LLPH: variants seen among roughly 807,000 people sequenced by gnomAD.
The protein encoded by LLPH is protein LLP homolog.
In LLPH, 5 loss-of-function variants were observed where a neutral mutation model predicts 13.3. The ratio of observed to expected loss-of-function variants is 0.38; its 90% CI spans 0.20 to 0.79. The LOEUF (loss-of-function observed/expected upper bound fraction) is 0.79. Among genes scored for constraint, LLPH ranks in the 30% least tolerant of loss-of-function variants. LLPH has a pLI of 0.45. For synonymous variants in LLPH, 32 were observed against 44.2 expected (o/e 0.72, Z 1.09); for missense variants, 129 against 152.1 (o/e 0.85, Z 0.80).
rs2051469284 is a variant in LLPH, at chr12:66,122,482, G to C, written c.*1358C>G. ...GGAAAGTCCCTGGCCCACATACTAGGCACTCAGTAAGTATTTGGTTGTTCC... is the reference window on the plus strand; with the variant it reads ...GGAAAGTCCCTGGCCCACATACTAGCCACTCAGTAAGTATTTGGTTGTTCC... On this transcript the variant is annotated 3_prime_UTR_variant, in exon 3 of 3. Transcript: ENST00000266604. The C allele has an allele frequency of 6.6e-6, 1 of 152,110 alleles. No homozygotes were observed. Among genetic ancestry groups the C allele is most frequent in the Non-Finnish European group, 1.5e-5 (1 of 68,028 alleles). The allele number at this position is 152,110 out of a possible 1,614,324, so 9.4% of individuals were successfully genotyped here.
rs2051448359 is a variant in LLPH at position 66,119,293 on chromosome 12, C to T, written c.*4547G>A. On this transcript the variant is annotated 3_prime_UTR_variant, in exon 3 of 3. Transcript: ENST00000266604. ...CTGTTGGGTTATTTTTACTGCTTGCCTACCAAATTAAGCTTATTTGGCAAC... is the reference window on the plus strand; with the variant it reads ...CTGTTGGGTTATTTTTACTGCTTGCTTACCAAATTAAGCTTATTTGGCAAC... 1 of 152,200 alleles carries T rather than the reference C, an allele frequency of 6.6e-6. No individual in the cohort carries two copies. Among genetic ancestry groups the T allele is most frequent in the South Asian group, 2.1e-4 (1 of 4,836 alleles). 9.4% of individuals were successfully genotyped at this position (152,200 alleles called of 1,614,324 possible). A position where few individuals can be genotyped will look rare whatever the true frequency, so the allele number is the denominator to read the frequency against.
rs2051444689 is a variant in LLPH at position 66,118,687 on chromosome 12, T to C, written c.*5153A>G. On this transcript the variant is annotated 3_prime_UTR_variant, in exon 3 of 3. Coordinates refer to ENST00000266604, the MANE Select transcript of LLPH (RefSeq NM_032338.4). ...ACGATACCCTCTAGATTTGTGTAAG[T>C]ACAGTCTATGATATTCACACAATGA... 1 of 152,216 alleles carries C rather than the reference T, an allele frequency of 6.6e-6. No homozygotes were observed. Among genetic ancestry groups the C allele is most frequent in the Admixed American group, 6.5e-5 (1 of 15,284 alleles). The allele number at this position is 152,216 out of a possible 1,614,324, so 9.4% of individuals were successfully genotyped here.
chr12:66,127,504 TG>T (rs1270181492), intron 2 of LLPH, among the ~76,000 whole-genome samples: 2 of 149,994 alleles, frequency 1.3e-5, no homozygotes, highest in African/African-American at 2.4e-5. Context: ...TGCCAGAGGC[TG>T]GGGGTAGGAG....
At chr12:66,126,062 C>G (rs966814426) in intron 2 of LLPH, among the ~76,000 whole-genome samples, 2 of 152,150 alleles carry the variant, frequency 1.3e-5, no homozygotes, top group African/African-American at 4.8e-5. Context: ...CAGTGGCTCA[C>G]GCCTGTAATC....
At position 66,118,473 on chromosome 12, in the gene LLPH, T is replaced by C. The variant is rs1398989320; in HGVS notation, c.*5367A>G. The C allele has an allele frequency of 6.6e-6, 1 of 152,144 alleles. No homozygotes were observed. The highest frequency in any genetic ancestry group is 2.1e-4 in the South Asian group (1 of 4,832). 9.4% of individuals were successfully genotyped at this position (152,144 alleles called of 1,614,324 possible). A position where few individuals can be genotyped will look rare whatever the true frequency, so the allele number is the denominator to read the frequency against. ...CCAAGCACGAGTCCTCCAAGCACTATTCATAAGTGGTACAGGTGTACCATT... is the reference window on the plus strand; with the variant it reads ...CCAAGCACGAGTCCTCCAAGCACTACTCATAAGTGGTACAGGTGTACCATT... On this transcript the variant is annotated 3_prime_UTR_variant, in exon 3 of 3. Transcript: ENST00000266604.
At chr12:66,124,264 G>A (rs1442191154) in intron 2 of LLPH, among the ~76,000 whole-genome samples, 1 of 152,238 alleles carries the variant, frequency 6.6e-6, no homozygotes, top group African/African-American at 2.4e-5. Context: ...CTGAGCACAT[G>A]TGAGTTACAA....
chr12:66,124,542 A>G (rs760007223), intron 2 of LLPH, among the ~76,000 whole-genome samples: 22 of 152,308 alleles, frequency 1.4e-4, no homozygotes, highest in Non-Finnish European at 2.2e-4. Flanking sequence ...TAACACCCAG[A>G]GATCCAGCTC....
chr12:66,128,061 T>A (rs1434534250), intron 2 of LLPH, among the ~76,000 whole-genome samples: 1 of 152,224 alleles, frequency 6.6e-6, no homozygotes, highest in Non-Finnish European at 1.5e-5. Context: ...AGGATATTTC[T>A]TGGTTGGCCC....
At chr12:66,124,345 G>A (rs774762323) in intron 2 of LLPH, among the ~76,000 whole-genome samples, 49 of 152,176 alleles carry the variant, frequency 3.2e-4, no homozygotes, top group Non-Finnish European at 6.2e-4. Context: ...ATACACCTTA[G>A]ATGTAATGAA....
At chr12:66,129,656 A>G (rs1287921725) in intron 1 of LLPH, among the ~76,000 whole-genome samples, 1 of 152,192 alleles carries the variant, frequency 6.6e-6, no homozygotes, top group Non-Finnish European at 1.5e-5. Context: ...AAGTGCTGGG[A>G]TTACAGGCTT....
chr12:66,124,130 A>G (rs901626730), intron 2 of LLPH, 112 bp from the exon 3 acceptor site: 3 of 647,486 alleles, frequency 4.6e-6, no homozygotes, highest in Non-Finnish European at 7.8e-6. Flanking sequence ...GTAGACCGAA[A>G]ATAGAGAAGA....
Position 66,118,512 on chromosome 12 carries a change from T to G in LLPH, c.*5328A>C, listed in dbSNP as rs1444730864. On this transcript the variant is annotated 3_prime_UTR_variant, in exon 3 of 3. Coordinates refer to ENST00000266604, the MANE Select transcript of LLPH (RefSeq NM_032338.4). ...AGGTGTACCATTTTTTTATCTTTTA[T>G]ACTGTATTTTTACTGTACCTTTTCT... The G allele has an allele frequency of 6.6e-6, 1 of 152,116 alleles. No individual in the cohort carries two copies. The highest frequency in any genetic ancestry group is 2.4e-5 in the African/African-American group (1 of 41,384). 9.4% of individuals were successfully genotyped at this position (152,116 alleles called of 1,614,324 possible).
In LLPH at chr12:66,123,502, A is replaced by G; in HGVS notation, c.*338T>C. ...TAAGTTCACAAAAATTTGTCAGTACATCATCTGTTTTATCTCTATTGACTA... is the reference window on the plus strand; with the variant it reads ...TAAGTTCACAAAAATTTGTCAGTACGTCATCTGTTTTATCTCTATTGACTA... On this transcript the variant is annotated 3_prime_UTR_variant, in exon 3 of 3. Coordinates refer to ENST00000266604, the MANE Select transcript of LLPH (RefSeq NM_032338.4). 4.5e-6 allele frequency: 1 copy of G among 223,430 alleles called. No individual in the cohort carries two copies. Among genetic ancestry groups the G allele is most frequent in the Non-Finnish European group, 8.7e-6 (1 of 115,558 alleles). 13.8% of individuals were successfully genotyped at this position (223,430 alleles called of 1,614,324 possible).
intron 2 of LLPH, 26 bp downstream of exon 2, chr12:66,128,870 G>GTT: frequency 8.5e-7 from 1 of 1,181,216 alleles, no homozygotes; most frequent in Non-Finnish European, 1.2e-6. Context: ...AAAAAAAAGA[G>GTT]AAAGAAAAAG....
intron 2 of LLPH, among the ~76,000 whole-genome samples, chr12:66,127,510 TAGG>T (rs71096071): frequency 0.071 from 10,715 of 151,596 alleles, 968 homozygotes; most frequent in East Asian, 0.5. Flanking sequence ...AGGCTGGGGG[TAGG>T]AGGAGGAGAG....
rs770505992 is a variant in LLPH, at chr12:66,129,039, G to A, written c.68C>T (p.Pro23Leu). 1 of 1,611,572 alleles carries A rather than the reference G, an allele frequency of 6.2e-7. No homozygotes were observed. The highest frequency in any genetic ancestry group is 8.5e-7 in the Non-Finnish European group (1 of 1,178,024). Residue 23 changes from proline (P) to leucine (L), a missense_variant, in exon 2 of 3, where the codon CCA becomes CTA. Pro to Leu is a moderately conservative substitution (Grantham distance 98). Transcript: ENST00000266604. ...ACTTTTAAGCCTGCTGGCCTCCTTT[G>A]GGGCATTCTTTTTTCTCTTTTCAGC... ...MRAEKRKKNA[P>L]KEASRLKSIL...
chr12:66,126,293 C>T (rs1322211560), intron 2 of LLPH, among the ~76,000 whole-genome samples: 1 of 149,560 alleles, frequency 6.7e-6, no homozygotes, highest in East Asian at 2.0e-4. Context: ...CACTGCACTC[C>T]AGCCTGGGCG....
At position 66,118,610 on chromosome 12, in the gene LLPH, C is replaced by G. The variant is rs2051444120; in HGVS notation, c.*5230G>C. On this transcript the variant is annotated 3_prime_UTR_variant, in exon 3 of 3. Transcript: ENST00000266604. ...TACTCAGTACAGTAACTTGCTTGAC[C>G]AATTTGTAGCCTAGAAGCAATAGGC... 2.0e-5 allele frequency: 3 copies of G among 152,018 alleles called. No homozygotes were observed. The South Asian group carries it at 6.2e-4, about 31-fold the overall frequency. The allele number at this position is 152,018 out of a possible 1,614,324, so 9.4% of individuals were successfully genotyped here. A position where few individuals can be genotyped will look rare whatever the true frequency, so the allele number is the denominator to read the frequency against.
chr12:66,123,593 T>C lies in LLPH; in HGVS notation c.*247A>G. On this transcript the variant is annotated 3_prime_UTR_variant, in exon 3 of 3. Coordinates refer to ENST00000266604, the MANE Select transcript of LLPH (RefSeq NM_032338.4). ...CTGACAGAACGTTGAGGCCTGATTA[T>C]AACTGGATATTGGGTAGCATCCAGT... is the stretch of plus-strand genomic sequence containing the variant. 2.0e-6 allele frequency: 1 copy of C among 500,832 alleles called. No individual in the cohort carries two copies. Among genetic ancestry groups the C allele is most frequent in the South Asian group, 3.2e-5 (1 of 31,652 alleles). The allele number at this position is 500,832 out of a possible 1,614,324, so 31.0% of individuals were successfully genotyped here.
Sources: allele counts gnomAD v4.1 joint callset (sites outside exome capture counted in the v4.1 genomes callset), GRCh38; gene constraint gnomAD v4.1.1; transcripts MANE v1.5; gene names NCBI Gene and HGNC (gene_info 2026-07-23, HGNC 2026-07-21).